The following SPOCK3 variants were observed in gnomAD, a reference collection of about 807,000 sequenced individuals.
SPOCK3 encodes the protein SPARC (osteonectin), cwcv and kazal like domains proteoglycan 3.
A neutral mutation model predicts 56.6 loss-of-function variants in SPOCK3; 30 were observed. That is an observed-to-expected ratio of 0.53 (90% CI 0.40 to 0.72). The LOEUF (loss-of-function observed/expected upper bound fraction) is 0.72, where lower values mean the gene tolerates loss of function less well. Ranked by LOEUF, SPOCK3 falls within the 30% of genes least tolerant of loss-of-function variation. The pLI is 0.00. For missense variants in SPOCK3, 527 were observed against 530.0 expected, an observed-to-expected ratio of 0.99 and a Z score of 0.06; for synonymous variants, 196 against 183.3, an observed-to-expected ratio of 1.07 and a Z score of -0.56.
chr4:166,969,017 G>A (rs1265920282), intron 4 of SPOCK3, among the ~76,000 whole-genome samples: 1 of 152,202 alleles, frequency 6.6e-6, no homozygotes, highest in Non-Finnish European at 1.5e-5. Context: ...AAGGCTTAAA[G>A]ATTTAATGAC....
intron 2 of SPOCK3, among the ~76,000 whole-genome samples, chr4:167,206,464 A>G (rs1003611685): frequency 1.3e-5 from 2 of 152,102 alleles, no homozygotes; most frequent in East Asian, 3.9e-4. Context: ...TTATTAAATG[A>G]CAGCTGATTC....
intron 4 of SPOCK3, among the ~76,000 whole-genome samples, chr4:166,965,236 T>C (rs1223937470): frequency 2.0e-5 from 3 of 152,016 alleles, no homozygotes; most frequent in East Asian, 1.9e-4. Context: ...AACTGGGTAA[T>C]AGTGCATTTC....
rs2126885928 is a variant in SPOCK3 at position 166,855,000 on chromosome 4, T to C, written c.589+34130A>G. 1.3e-5 allele frequency among the ~76,000 whole-genome samples: 2 copies of C among 152,272 alleles called. 1 individual carries two copies. Among genetic ancestry groups the C allele is most frequent in the Middle Eastern group, 6.8e-3 (2 of 294 alleles). On this transcript the variant is annotated intron_variant, in intron 6 of 10. Coordinates refer to ENST00000357545, the MANE Select transcript of SPOCK3 (RefSeq NM_001040159.2). The stretch of plus-strand genomic sequence containing the variant: ...ACTGTATCCCGCCCCACTGCCTGTC[T>C]CAAAGAAGTTGATGTTCCTTTATCT...
At chr4:166,917,531 C>T (rs774326497) in intron 4 of SPOCK3, among the ~76,000 whole-genome samples, 6 of 152,094 alleles carry the variant, frequency 3.9e-5, no homozygotes, top group Non-Finnish European at 7.4e-5. Context: ...GTATGACTTT[C>T]AGAGAATTAT....
intron 5 of SPOCK3, among the ~76,000 whole-genome samples, chr4:166,901,169 C>T (rs1437135888): frequency 2.0e-5 from 3 of 152,230 alleles, no homozygotes; most frequent in African/African-American, 2.4e-5. Context: ...TTCCCACCTC[C>T]CCTCTCATTC....
At chr4:166,919,544 T>A (rs1266025460) in intron 4 of SPOCK3, among the ~76,000 whole-genome samples, 1 of 152,182 alleles carries the variant, frequency 6.6e-6, no homozygotes, top group Non-Finnish European at 1.5e-5. Context: ...AGCTTTGAAA[T>A]GTATAAAATG....
At chr4:166,919,799 AAATT>A (rs1738286501) in intron 4 of SPOCK3, among the ~76,000 whole-genome samples, 1 of 152,216 alleles carries the variant, frequency 6.6e-6, no homozygotes, top group African/African-American at 2.4e-5. Flanking sequence ...CATGTGTGAC[AAATT>A]AATTACCTCA....
intron 2 of SPOCK3, among the ~76,000 whole-genome samples, chr4:167,128,916 A>G (rs1762496433): frequency 6.6e-6 from 1 of 152,056 alleles, no homozygotes; most frequent in African/African-American, 2.4e-5. Context: ...TTATTGTATT[A>G]TTGTGGGCAC....
intron 6 of SPOCK3, among the ~76,000 whole-genome samples, chr4:166,849,427 TG>T (rs1309933906): frequency 6.6e-6 from 1 of 152,130 alleles, no homozygotes; most frequent in African/African-American, 2.4e-5. Context: ...TTAAAAGTAA[TG>T]TAAGTAACTT....
At chr4:167,089,920 G>C (rs1259788661) in intron 2 of SPOCK3, among the ~76,000 whole-genome samples, 2 of 151,300 alleles carry the variant, frequency 1.3e-5, no homozygotes, top group African/African-American at 2.4e-5. Flanking sequence ...CTTTCCCGTA[G>C]TATGGATTAA....
intron 6 of SPOCK3, 24 bp from the exon 7 acceptor site, chr4:166,792,313 G>C (rs781328475): frequency 6.2e-7 from 1 of 1,612,596 alleles, no homozygotes; most frequent in Non-Finnish European, 8.5e-7. Flanking sequence ...AACAACACAA[G>C]TCTTGAATAA....
At chr4:167,230,545 T>C (rs1286251725) in intron 2 of SPOCK3, among the ~76,000 whole-genome samples, 1 of 144,460 alleles carries the variant, frequency 6.9e-6, no homozygotes, top group Non-Finnish European at 1.6e-5. Flanking sequence ...GTATATCTAC[T>C]GAATATATAC....
chr4:167,225,853 G>T lies in SPOCK3; in HGVS notation c.189+8132C>A, dbSNP rs534044467. ...TTGCTGCAGTTTTTATTTCCTAACT[G>T]TCCCAGAGATACTAGAACCAAAAAG... On this transcript the variant is annotated intron_variant, in intron 2 of 10. Coordinates refer to ENST00000357545, the MANE Select transcript of SPOCK3 (RefSeq NM_001040159.2). Among the ~76,000 whole-genome samples the T allele has an allele frequency of 2.0e-5, 3 of 152,094 alleles. No homozygotes were observed. The East Asian group carries it at 5.8e-4, about 29-fold the overall frequency.
At chr4:166,791,653 G>T (rs1167149933) in intron 7 of SPOCK3, among the ~76,000 whole-genome samples, 1 of 151,754 alleles carries the variant, frequency 6.6e-6, no homozygotes, top group Non-Finnish European at 1.5e-5. Flanking sequence ...GAATTATACT[G>T]ATAATTAAAA....
intron 4 of SPOCK3, among the ~76,000 whole-genome samples, chr4:166,995,454 T>G (rs1163504037): frequency 6.6e-6 from 1 of 152,062 alleles, no homozygotes; most frequent in Non-Finnish European, 1.5e-5. Flanking sequence ...TATGAAAAGT[T>G]AAGTATCTAT....
intron 7 of SPOCK3, among the ~76,000 whole-genome samples, chr4:166,772,764 AGT>A (rs1435422080): frequency 2.0e-5 from 3 of 151,960 alleles, no homozygotes; most frequent in Non-Finnish European, 4.4e-5. Flanking sequence ...TATGACTCTA[AGT>A]GTAGTCATCT....
intron 2 of SPOCK3, among the ~76,000 whole-genome samples, chr4:167,200,893 C>T (rs1339435871): frequency 6.6e-6 from 1 of 152,026 alleles, no homozygotes; most frequent in African/African-American, 2.4e-5. Flanking sequence ...TATAGCAATT[C>T]ATCCCAAACA....
chr4:166,765,201 T>A (rs1418302547), intron 7 of SPOCK3, among the ~76,000 whole-genome samples: 1 of 152,204 alleles, frequency 6.6e-6, no homozygotes, highest in Non-Finnish European at 1.5e-5. Flanking sequence ...TTAGATCCCA[T>A]TTGTCTATTC....
intron 2 of SPOCK3, among the ~76,000 whole-genome samples, chr4:167,130,113 T>G (rs1331303223): frequency 1.3e-5 from 2 of 152,074 alleles, no homozygotes; most frequent in African/African-American, 4.8e-5. Context: ...ATTCCTGGGC[T>G]CAAGCCGTCT....
Sources: allele counts gnomAD v4.1 joint callset (sites outside exome capture counted in the v4.1 genomes callset), GRCh38; gene constraint gnomAD v4.1.1; transcripts MANE v1.5; gene names NCBI Gene and HGNC (gene_info 2026-07-23, HGNC 2026-07-21).